PRKAG3: variants seen among roughly 807,000 people sequenced by gnomAD.
PRKAG3 encodes the protein 5'-AMP-activated protein kinase subunit gamma-3.
In PRKAG3, 39 loss-of-function variants were observed where a neutral mutation model predicts 56.5. The ratio of observed to expected loss-of-function variants is 0.69; its 90% CI spans 0.53 to 0.90. The LOEUF is 0.90. Ranked by LOEUF, PRKAG3 falls within the 40% of genes least tolerant of loss-of-function variation. The pLI, the probability that PRKAG3 is intolerant of heterozygous loss-of-function variation, is 0.00. For synonymous variants in PRKAG3, 243 were observed against 250.1 expected (o/e 0.97, Z 0.27); for missense variants, 628 against 627.5 (o/e 1.00, Z -0.01).
exon 13 of PRKAG3, chr2:218,823,835 C>T (rs746230559): frequency 3.1e-6 from 5 of 1,614,140 alleles, no homozygotes; most frequent in Middle Eastern, 1.6e-4. Flanking sequence ...GGAGACCACG[C>T]CCAAGAGATG....
intron 4 of PRKAG3, 31 bp downstream of exon 4, chr2:218,829,947 G>T: frequency 1.2e-6 from 2 of 1,604,830 alleles, no homozygotes; most frequent in South Asian, 2.2e-5. Flanking sequence ...GATGGAGAGT[G>T]AGTACAGGTT....
chr2:218,824,095 G>A (rs1943892465), intron 12 of PRKAG3, 127 bp downstream of exon 12: 7 of 1,466,312 alleles, frequency 4.8e-6, no homozygotes, highest in African/African-American at 1.4e-5. Flanking sequence ...AGGCCAGTGT[G>A]GGCACCAGGA....
rs1368321604 is a variant in PRKAG3 at position 218,827,940 on chromosome 2, CAGG to C, written c.774+61_774+63del. 1.2e-6 allele frequency: 2 copies of C among 1,609,174 alleles called. No homozygotes were observed. The highest frequency in any genetic ancestry group is 2.7e-5 in the African/African-American group (2 of 74,828). ...CGTGGGCTTCTAGGGCACCAGGCTC[CAGG>C]AGGACTCCCCTCCGCCCCCGCCCCT... On this transcript the variant is annotated intron_variant, in intron 6 of 12. Transcript: ENST00000529249. This position sits in a 1 kb window ranked among gnomAD's most constrained non-coding sequence, Gnocchi z 5.3.
chr2:218,827,159 C>T lies in PRKAG3; in HGVS notation c.1003-66G>A. The stretch of plus-strand genomic sequence containing the variant: ...AGCTTCAAGAGGGCTCCCAGCTCTT[C>T]CCCACGACTGCTAGGGCTGAAGACT... On this transcript the variant is annotated intron_variant, in intron 9 of 12. Transcript: ENST00000529249. The surrounding 1 kb of genome is among the most constrained non-coding windows in gnomAD (Gnocchi z 5.3). 3 of 1,612,874 alleles carry T rather than the reference C, an allele frequency of 1.9e-6. No individual in the cohort carries two copies. Among genetic ancestry groups the T allele is most frequent in the Non-Finnish European group, 2.5e-6 (3 of 1,179,706 alleles).
At chr2:218,828,631 G>T in intron 4 of PRKAG3, 31 bp from the exon 5 acceptor site, 2 of 1,586,752 alleles carry the variant, frequency 1.3e-6, no homozygotes, top group South Asian at 1.1e-5. Context: ...GTCAAGGGTG[G>T]GTCCCGAGAG....
chr2:218,825,960 C>G (rs1011794473), intron 10 of PRKAG3, among the ~76,000 whole-genome samples: 6 of 151,984 alleles, frequency 3.9e-5, no homozygotes, highest in Admixed American at 1.3e-4. Context: ...GGGGTTTCAT[C>G]ATATTGGCCA....
intron 10 of PRKAG3, among the ~76,000 whole-genome samples, chr2:218,826,359 A>G (rs1401880796): frequency 6.6e-6 from 1 of 152,240 alleles, no homozygotes; most frequent in African/African-American, 2.4e-5. Flanking sequence ...CAAAGAAATA[A>G]TCTTGTCATT....
intron 10 of PRKAG3, among the ~76,000 whole-genome samples, chr2:218,825,891 G>A (rs1212561771): frequency 6.6e-6 from 1 of 151,678 alleles, no homozygotes; most frequent in African/African-American, 2.4e-5. Flanking sequence ...TAAGTAGCTG[G>A]GACTAGAGGT....
intron 10 of PRKAG3, among the ~76,000 whole-genome samples, chr2:218,826,265 C>A (rs1164630716): frequency 1.3e-5 from 2 of 152,052 alleles, no homozygotes; most frequent in African/African-American, 4.8e-5. Flanking sequence ...TTTTTATAAT[C>A]AAAAATAAAT....
At chr2:218,826,678 C>CT (rs1943936674) in intron 10 of PRKAG3, 3 of 522,706 alleles carry the variant, frequency 5.7e-6, no homozygotes, top group Non-Finnish European at 1.0e-5. Context: ...TGCACATAAC[C>CT]TTTTAAATCC....
chr2:218,827,271 G>A lies in PRKAG3; in HGVS notation c.978C>T (p.Arg326=). Residue 326 remains arginine, a synonymous_variant, in exon 9 of 13, where the codon CGC becomes CGT. Transcript: ENST00000529249. This position sits in a 1 kb window ranked among gnomAD's most constrained non-coding sequence, Gnocchi z 5.3. ...CAAAGATGTGCAGGAACTTGAGCAG[G>A]CGTTTGTGTGTGAGGATGTGGAGTA... 6.2e-7 allele frequency: 1 copy of A among 1,614,198 alleles called. No homozygotes were observed. The highest frequency in any genetic ancestry group is 1.1e-5 in the South Asian group (1 of 91,086).
chr2:218,826,938 G>T, exon 10 of PRKAG3: 1 of 1,614,066 alleles, frequency 6.2e-7, no homozygotes, highest in South Asian at 1.1e-5. Flanking sequence ...CACATTCGTT[G>T]ACCACAGGCA....
Position 218,827,939 on chromosome 2 carries a change from C to T in PRKAG3, c.775-61G>A. The T allele has an allele frequency of 6.2e-7, 1 of 1,609,768 alleles. No homozygotes were observed. Among genetic ancestry groups the T allele is most frequent in the African/African-American group, 1.3e-5 (1 of 74,962 alleles). Reference sequence around the variant, plus strand: ...ACGTGGGCTTCTAGGGCACCAGGCTCCAGGAGGACTCCCCTCCGCCCCCGC... The same window carrying T: ...ACGTGGGCTTCTAGGGCACCAGGCTTCAGGAGGACTCCCCTCCGCCCCCGC... On this transcript the variant is annotated intron_variant, in intron 6 of 12. Coordinates refer to ENST00000529249, the Ensembl canonical transcript of PRKAG3. The surrounding 1 kb of genome is among the most constrained non-coding windows in gnomAD (Gnocchi z 5.3).
chr2:218,829,080 C>T (rs1943980004), intron 4 of PRKAG3, among the ~76,000 whole-genome samples: 1 of 152,092 alleles, frequency 6.6e-6, no homozygotes, highest in Non-Finnish European at 1.5e-5. Flanking sequence ...TTTTTTAACA[C>T]AGCCTAAAAC....
rs1199127684 is a variant in PRKAG3, at chr2:218,824,455, G to T, written c.1206+84C>A. 4.3e-6 allele frequency: 7 copies of T among 1,609,592 alleles called. No individual in the cohort carries two copies. The Admixed American group carries it at 6.7e-5, about 15-fold the overall frequency. ...ATGTCAACCCCTGCATACTTGTCAA[G>T]GTCCCCCTGGTCCACAGAGGCCCCC... is the stretch of plus-strand genomic sequence containing the variant. On this transcript the variant is annotated intron_variant, in intron 11 of 12. Transcript: ENST00000529249.
chr2:218,831,774 G>T (rs1343050162), exon 1 of PRKAG3: 1 of 1,609,570 alleles, frequency 6.2e-7, no homozygotes. Flanking sequence ...GCTCCATGTG[G>T]CCAGCCCCAG....
In PRKAG3 at chr2:218,828,590, G is replaced by A. The variant is rs767253674; in HGVS notation, c.644C>T (p.Ala215Val). 2.7e-5 allele frequency: 43 copies of A among 1,613,160 alleles called. No individual in the cohort carries two copies. Among genetic ancestry groups the A allele is most frequent in the Non-Finnish European group, 3.5e-5 (41 of 1,179,594 alleles). ...ACCGTTGGCCACCAGAGCAAAGAAG[G>A]CCTTCTTGATCTGAGGGGCCAGGGA... The change falls in exon 5 of 13, where the codon GCC (alanine) becomes GTC (valine). Residue 215 changes from alanine (A) to valine (V), a missense_variant. Physicochemically the swap from Ala to Val is moderately conservative, Grantham distance 64. Coordinates refer to ENST00000529249, the Ensembl canonical transcript of PRKAG3.
rs776680298 is a variant in PRKAG3 at position 218,824,206 on chromosome 2, G to A, written c.1353+16C>T. 4 of 1,613,976 alleles carry A rather than the reference G, an allele frequency of 2.5e-6. No homozygotes were observed. In the South Asian group the frequency reaches 4.4e-5, roughly 18 times the overall value. Reference sequence around the variant, plus strand: ...GGCTATATGTGTTGGGGGCATGAATGGAGGGCACACGGTACCTGCTCCCGA... The same window carrying A: ...GGCTATATGTGTTGGGGGCATGAATAGAGGGCACACGGTACCTGCTCCCGA... On this transcript the variant is annotated intron_variant, in intron 12 of 12. Coordinates refer to ENST00000529249, the Ensembl canonical transcript of PRKAG3.
exon 10 of PRKAG3, chr2:218,826,956 C>T (rs1943941419): frequency 1.9e-6 from 3 of 1,614,200 alleles, no homozygotes; most frequent in African/African-American, 1.3e-5. Flanking sequence ...GCAGTGCAGA[C>T]ACACGCCGGT....
Sources: allele counts gnomAD v4.1 joint callset (sites outside exome capture counted in the v4.1 genomes callset), GRCh38; gene constraint gnomAD v4.1.1; non-coding constraint Gnocchi (gnomAD v3.1); transcripts MANE v1.5; gene names NCBI Gene and HGNC (gene_info 2026-07-23, HGNC 2026-07-21).